The following ACSL1 variants were observed in gnomAD, a reference collection of about 807,000 sequenced individuals.
ACSL1 encodes acyl-CoA synthetase long chain family member 1.
Under a neutral mutation model 98.4 loss-of-function variants are expected in ACSL1, and 41 were observed. The ratio of observed to expected loss-of-function variants is 0.42; its 90% CI spans 0.32 to 0.54. The LOEUF is 0.54. Ranked by LOEUF, ACSL1 falls within the 20% of genes least tolerant of loss-of-function variation. The pLI, the probability that ACSL1 is intolerant of heterozygous loss-of-function variation, is 0.13. For synonymous variants in ACSL1, 316 were observed against 322.7 expected, an observed-to-expected ratio of 0.98 and a Z score of 0.22; for missense variants, 734 against 883.1, an observed-to-expected ratio of 0.83 and a Z score of 2.14.
In ACSL1 at chr4:184,825,775, C is replaced by G. The variant is rs1056495200; in HGVS notation, c.-33+141G>C. On this transcript the variant is annotated intron_variant, in intron 1 of 20. Coordinates refer to ENST00000281455, the MANE Select transcript of ACSL1 (RefSeq NM_001995.5). The surrounding 1 kb of genome is among the most constrained non-coding windows in gnomAD (Gnocchi z 4.7). ...AGGCCGGAAAGGCGGCGCGGCCCCA[C>G]GAGCCTGGGGTGGCTCACGCGCCTC... The G allele has an allele frequency of 3.3e-5, 5 of 149,686 alleles. No individual in the cohort carries two copies. The highest frequency in any genetic ancestry group is 7.5e-5 in the Non-Finnish European group (5 of 67,050). 9.3% of individuals were successfully genotyped at this position (149,686 alleles called of 1,614,324 possible). A position where few individuals can be genotyped will look rare whatever the true frequency, so the allele number is the denominator to read the frequency against.
intron 2 of ACSL1, among the ~76,000 whole-genome samples, chr4:184,790,286 C>T (rs1768124748): frequency 6.6e-6 from 1 of 152,162 alleles, no homozygotes; most frequent in Non-Finnish European, 1.5e-5. Flanking sequence ...AATGTATATA[C>T]TGTTTAAAAA....
chr4:184,758,078 A>G, intron 18 of ACSL1, 158 bp from the exon 19 acceptor site: 1 of 651,122 alleles, frequency 1.5e-6, no homozygotes, highest in East Asian at 2.8e-5. Flanking sequence ...GAGTTCACTC[A>G]GCCCAGATTA....
At chr4:184,823,379 CA>C in intron 1 of ACSL1, among the ~76,000 whole-genome samples, 1 of 152,316 alleles carries the variant, frequency 6.6e-6, no homozygotes, top group Admixed American at 6.5e-5. Context: ...AGTTTGGTTA[CA>C]AGAGACAGTA....
chr4:184,780,772 T>C (rs760169941), intron 4 of ACSL1, among the ~76,000 whole-genome samples: 9 of 152,230 alleles, frequency 5.9e-5, no homozygotes, highest in Non-Finnish European at 7.3e-5. Flanking sequence ...GAGAGATGGA[T>C]TTGTTTTATT....
chr4:184,767,167 A>G (rs1220213015), intron 12 of ACSL1, among the ~76,000 whole-genome samples: 3 of 151,816 alleles, frequency 2.0e-5, no homozygotes, highest in African/African-American at 7.3e-5. Context: ...CTGCGGTCCC[A>G]GCTACTCAGG....
At chr4:184,763,386 A>G (rs1272581872) in intron 15 of ACSL1, 131 bp from the exon 16 acceptor site, 1 of 781,726 alleles carries the variant, frequency 1.3e-6, no homozygotes, top group South Asian at 1.6e-5. Flanking sequence ...CTGCAATTAC[A>G]GCCATTCTCT....
intron 4 of ACSL1, among the ~76,000 whole-genome samples, chr4:184,782,522 A>G (rs745946714): frequency 6.6e-5 from 10 of 152,150 alleles, no homozygotes; most frequent in African/African-American, 2.4e-5. Context: ...AACAGAAGTA[A>G]CCCAGGAGGC....
At chr4:184,767,260 T>C (rs943740471) in intron 12 of ACSL1, among the ~76,000 whole-genome samples, 1 of 135,470 alleles carries the variant, frequency 7.4e-6, no homozygotes, top group East Asian at 2.1e-4. Flanking sequence ...CTAGCCTGGA[T>C]GACAGAGAGA....
At chr4:184,815,570 G>C (rs533622567) in intron 1 of ACSL1, among the ~76,000 whole-genome samples, 1 of 152,254 alleles carries the variant, frequency 6.6e-6, no homozygotes, top group South Asian at 2.1e-4. Flanking sequence ...AGAGGTCACA[G>C]CTATCACATA....
intron 12 of ACSL1, chr4:184,768,111 G>A (rs1763902749): frequency 1.9e-6 from 1 of 529,814 alleles, no homozygotes; most frequent in East Asian, 3.4e-5. Context: ...TACAAAGTGT[G>A]TTCATGCATT....
At chr4:184,787,930 G>A (rs887241750) in intron 3 of ACSL1, among the ~76,000 whole-genome samples, 1 of 152,064 alleles carries the variant, frequency 6.6e-6, no homozygotes, top group East Asian at 1.9e-4. Flanking sequence ...TGCTTTGGGA[G>A]GCTGAGGCAG....
At chr4:184,763,094 A>C in intron 16 of ACSL1, 73 bp downstream of exon 16, 1 of 1,481,146 alleles carries the variant, frequency 6.8e-7, no homozygotes, top group South Asian at 1.2e-5. Flanking sequence ...GTTGGGAAAT[A>C]CCACAGCATT....
chr4:184,788,785 G>C (rs1767858757), intron 2 of ACSL1, 54 bp from the exon 3 acceptor site: 3 of 1,373,752 alleles, frequency 2.2e-6, no homozygotes, highest in Admixed American at 1.7e-5. Flanking sequence ...TCTATGCACT[G>C]TGGAATGGCT....
At chr4:184,805,589 T>C (rs912350672) in intron 1 of ACSL1, 51 of 922,694 alleles carry the variant, frequency 5.5e-5, no homozygotes, top group Non-Finnish European at 6.0e-5. Context: ...AAGAGGGCAA[T>C]GAGCCTGGAA....
intron 4 of ACSL1, among the ~76,000 whole-genome samples, chr4:184,782,422 T>G (rs1766459381): frequency 6.6e-6 from 1 of 152,128 alleles, no homozygotes; most frequent in Admixed American, 6.5e-5. Flanking sequence ...AAGTCATAGA[T>G]TCACACCTTC....
rs1205548805 is a variant in ACSL1 at position 184,825,068 on chromosome 4, C to A, written c.-33+848G>T. 2 of 543,634 alleles carry A rather than the reference C, an allele frequency of 3.7e-6. No homozygotes were observed. Among genetic ancestry groups the A allele is most frequent in the African/African-American group, 2.1e-5 (1 of 48,716 alleles). 33.7% of individuals were successfully genotyped at this position (543,634 alleles called of 1,614,324 possible). ...AGAAGCTTAAAAGTCTTAGCCAGGG[C>A]ACTAGAGAACGCTTTTAGAATGGTC... On this transcript the variant is annotated intron_variant, in intron 1 of 20. Transcript: ENST00000281455. This position sits in a 1 kb window ranked among gnomAD's most constrained non-coding sequence, Gnocchi z 4.7.
chr4:184,816,510 C>A, intron 1 of ACSL1, among the ~76,000 whole-genome samples: 1 of 152,152 alleles, frequency 6.6e-6, no homozygotes, highest in East Asian at 1.9e-4. Flanking sequence ...AGAGACTATG[C>A]AGTTCGGCCA....
intron 7 of ACSL1, among the ~76,000 whole-genome samples, chr4:184,775,991 T>G (rs950442740): frequency 6.6e-6 from 1 of 152,152 alleles, no homozygotes; most frequent in African/African-American, 2.4e-5. Flanking sequence ...AACTTGTGAT[T>G]GGTATGACTC....
intron 17 of ACSL1, 38 bp from the exon 18 acceptor site, chr4:184,760,538 T>G: frequency 6.2e-7 from 1 of 1,611,710 alleles, no homozygotes; most frequent in South Asian, 1.1e-5. Context: ...AATGGGCTGA[T>G]GGCTGGTTTC....
Sources: gnomAD v4.1 joint callset for allele counts (sites outside exome capture counted in the v4.1 genomes callset) on GRCh38, gnomAD v4.1.1 for gene constraint, Gnocchi (gnomAD v3.1) non-coding constraint, MANE v1.5 for transcripts, NCBI Gene and HGNC (gene_info 2026-07-23, HGNC 2026-07-21) for gene names.